Variants in DACH1 observed in about 807,000 individuals in gnomAD.
The protein encoded by DACH1 is dachshund homolog 1.
DACH1 carries 12 observed loss-of-function variants against 54.2 expected under a neutral mutation model. The ratio of observed to expected loss-of-function variants is 0.22; its 90% CI spans 0.14 to 0.36. DACH1 has a LOEUF of 0.36. Among genes scored for constraint, DACH1 ranks in the 10% least tolerant of loss-of-function variants. The pLI is 1.00. For synonymous variants in DACH1, 386 were observed against 366.2 expected, an observed-to-expected ratio of 1.05 and a Z score of -0.62; for missense variants, 805 against 929.8, an observed-to-expected ratio of 0.87 and a Z score of 1.75.
chr13:71,618,468 A>G (rs928945634), intron 3 of DACH1, among the ~76,000 whole-genome samples: 9 of 152,080 alleles, frequency 5.9e-5, no homozygotes, highest in African/African-American at 2.2e-4. Flanking sequence ...TTTCAATGCT[A>G]GTGTTTCAAA....
chr13:71,513,723 G>A (rs573248314), intron 6 of DACH1, among the ~76,000 whole-genome samples: 2 of 151,996 alleles, frequency 1.3e-5, no homozygotes, highest in Non-Finnish European at 1.5e-5. Flanking sequence ...CAAGGGTTTT[G>A]TATAATGTAT....
At chr13:71,740,610 A>G (rs1262330967) in intron 1 of DACH1, among the ~76,000 whole-genome samples, 1 of 152,182 alleles carries the variant, frequency 6.6e-6, no homozygotes, top group Non-Finnish European at 1.5e-5. Context: ...TTGGAGGATC[A>G]ACTGTCAGAG....
intron 3 of DACH1, among the ~76,000 whole-genome samples, chr13:71,615,540 G>C (rs1875695375): frequency 6.6e-6 from 1 of 152,164 alleles, no homozygotes; most frequent in African/African-American, 2.4e-5. Flanking sequence ...TGAAATAACT[G>C]ACAACTTTCC....
At position 71,660,181 on chromosome 13, in the gene DACH1, G is replaced by A. The variant is rs773296651; in HGVS notation, c.964+21614C>T. The stretch of plus-strand genomic sequence containing the variant: ...TTGAGTGAAATTTTGATGTATAAGT[G>A]CTGGCAGCCGAAATTGCCCTGAGCA... On this transcript the variant is annotated intron_variant, in intron 2 of 10. Transcript: ENST00000613252. Among the ~76,000 whole-genome samples, 14 of 152,038 alleles carry A rather than the reference G, an allele frequency of 9.2e-5. 1 individual carries two copies. The highest frequency in any genetic ancestry group is 1.3e-4 in the Admixed American group (2 of 15,260).
At chr13:71,697,685 C>A (rs1193972196) in intron 1 of DACH1, among the ~76,000 whole-genome samples, 1 of 151,986 alleles carries the variant, frequency 6.6e-6, no homozygotes, top group Non-Finnish European at 1.5e-5. Flanking sequence ...ATTATTTAGT[C>A]CAGGGTTCTA....
intron 3 of DACH1, among the ~76,000 whole-genome samples, chr13:71,598,240 G>A (rs530851277): frequency 1.3e-5 from 2 of 152,184 alleles, no homozygotes; most frequent in South Asian, 4.1e-4. Context: ...TTTGATAAAT[G>A]TTGCAATTTA....
chr13:71,586,779 G>A (rs1294695332), intron 3 of DACH1, among the ~76,000 whole-genome samples: 1 of 151,878 alleles, frequency 6.6e-6, no homozygotes, highest in Non-Finnish European at 1.5e-5. Flanking sequence ...TTCTGCCCAG[G>A]AAGAGTTTTC....
At chr13:71,675,442 C>A in intron 2 of DACH1, 5 of 1,430,322 alleles carry the variant, frequency 3.5e-6, no homozygotes, top group Non-Finnish European at 3.9e-6. Flanking sequence ...AGACATCCAG[C>A]TAGCACGCCG....
rs530180093 is a variant in DACH1 at position 71,857,548 on chromosome 13, A to G, written c.848+8374T>C. 2.0e-5 allele frequency among the ~76,000 whole-genome samples: 3 copies of G among 151,870 alleles called. No individual in the cohort carries two copies. In the South Asian group the frequency reaches 6.2e-4, roughly 31 times the overall value. Reference sequence around the variant, plus strand: ...CAAATGTACGACAATTATTTAAAGCATAGAGTACAAATGAGCTAATGCTAA... The same window carrying G: ...CAAATGTACGACAATTATTTAAAGCGTAGAGTACAAATGAGCTAATGCTAA... On this transcript the variant is annotated intron_variant, in intron 1 of 10. Coordinates refer to ENST00000613252, the MANE Select transcript of DACH1 (RefSeq NM_080759.6).
chr13:71,651,674 CTGTATCTGTATATGTATA>C lies in DACH1; in HGVS notation c.965-20975_965-20958del, dbSNP rs202157564. On this transcript the variant is annotated intron_variant, in intron 2 of 10. Coordinates refer to ENST00000613252, the MANE Select transcript of DACH1 (RefSeq NM_080759.6). ...CATGTATATGTATCTGTATCTGTAT[CTGTATCTGTATATGTATA>C]TGTATATGTATATGTATATGTATAT... 0.022 allele frequency among the ~76,000 whole-genome samples: 3,047 copies of C among 135,874 alleles called. 193 individuals carry two copies. In the East Asian group the frequency reaches 0.28, roughly 13 times the overall value. 89.1% of individuals were successfully genotyped at this position (135,874 alleles called of 152,430 possible).
chr13:71,492,553 A>G (rs1156368120), intron 6 of DACH1, among the ~76,000 whole-genome samples: 1 of 152,104 alleles, frequency 6.6e-6, no homozygotes, highest in African/African-American at 2.4e-5. Context: ...TTCATTTTGG[A>G]CTTCTAGTCT....
At chr13:71,834,762 G>A (rs568490264) in intron 1 of DACH1, among the ~76,000 whole-genome samples, 1 of 152,064 alleles carries the variant, frequency 6.6e-6, no homozygotes, top group South Asian at 2.1e-4. Context: ...ACGATATTGG[G>A]AATAATACCC....
chr13:71,511,973 G>A (rs1400753788), intron 6 of DACH1, among the ~76,000 whole-genome samples: 1 of 151,896 alleles, frequency 6.6e-6, no homozygotes, highest in African/African-American at 2.4e-5. Context: ...TTCCCTACAG[G>A]ATTTATTCCT....
At chr13:71,799,093 A>G (rs1225621352) in intron 1 of DACH1, among the ~76,000 whole-genome samples, 1 of 152,128 alleles carries the variant, frequency 6.6e-6, no homozygotes, top group East Asian at 1.9e-4. Flanking sequence ...TGAATGCCCA[A>G]GGTTATCAGT....
chr13:71,549,924 G>A (rs1372112751), intron 6 of DACH1, among the ~76,000 whole-genome samples: 1 of 152,002 alleles, frequency 6.6e-6, no homozygotes, highest in South Asian at 2.1e-4. Context: ...CATTGAAATT[G>A]TATTAAATAA....
chr13:71,682,565 TAAGTC>T (rs761117959), intron 1 of DACH1, among the ~76,000 whole-genome samples: 4 of 152,222 alleles, frequency 2.6e-5, no homozygotes, highest in South Asian at 2.1e-4. Flanking sequence ...ATTTAAAAGA[TAAGTC>T]AAGTTATCAT....
At chr13:71,779,187 ACG>A (rs1483937886) in intron 1 of DACH1, among the ~76,000 whole-genome samples, 1 of 127,968 alleles carries the variant, frequency 7.8e-6, no homozygotes, top group South Asian at 2.3e-4. Flanking sequence ...ACACATATAT[ACG>A]TATATACGTA....
Position 71,683,640 on chromosome 13 carries a change from T to C in DACH1, c.849-1730A>G, listed in dbSNP as rs375699980. Among the ~76,000 whole-genome samples, 9 of 152,226 alleles carry C rather than the reference T, an allele frequency of 5.9e-5. No individual in the cohort carries two copies. In the East Asian group the frequency reaches 7.7e-4, roughly 13 times the overall value. ...AGGGATATTGTCGTGCTTATTGTTC[T>C]TGAAGTATCCCTCAAGCTACTTCCT... On this transcript the variant is annotated intron_variant, in intron 1 of 10. Coordinates refer to ENST00000613252, the MANE Select transcript of DACH1 (RefSeq NM_080759.6).
intron 3 of DACH1, among the ~76,000 whole-genome samples, chr13:71,583,917 T>G (rs575201311): frequency 5.6e-4 from 85 of 152,332 alleles, no homozygotes; most frequent in African/African-American, 1.9e-3. Flanking sequence ...TATTCTCCAT[T>G]GTAAAATACT....
Sources: gnomAD v4.1 joint callset for allele counts (sites outside exome capture counted in the v4.1 genomes callset) on GRCh38, gnomAD v4.1.1 for gene constraint, MANE v1.5 for transcripts, NCBI Gene and HGNC (gene_info 2026-07-23, HGNC 2026-07-21) for gene names.